The following DAB2IP variants were observed in gnomAD, a reference collection of about 807,000 sequenced individuals.
DAB2IP encodes the protein disabled homolog 2-interacting protein.
In DAB2IP, 28 loss-of-function variants were observed where a neutral mutation model predicts 107.2. That is an observed-to-expected ratio of 0.26 (90% CI 0.19 to 0.36). DAB2IP has a LOEUF of 0.36. Ranked by LOEUF, DAB2IP falls within the 10% of genes least tolerant of loss-of-function variation. DAB2IP has a pLI of 1.00. For missense variants in DAB2IP, 1,400 were observed against 1,644.7 expected (o/e 0.85, Z 2.57); for synonymous variants, 755 against 706.4 (o/e 1.07, Z -1.09).
chr9:121,742,630 C>T (rs965536530), intron 3 of DAB2IP, among the ~76,000 whole-genome samples: 1 of 152,220 alleles, frequency 6.6e-6, no homozygotes, highest in Non-Finnish European at 1.5e-5. Context: ...AGAAGCTCCA[C>T]TCTTGTGGAC....
rs1486884050 is a variant in DAB2IP, at chr9:121,699,466, C to T, written c.362+8C>T. The T allele has an allele frequency of 4.6e-6, 6 of 1,309,846 alleles. No individual in the cohort carries two copies. The highest frequency in any genetic ancestry group is 5.9e-6 in the Non-Finnish European group (6 of 1,016,474). 81.1% of individuals were successfully genotyped at this position (1,309,846 alleles called of 1,614,324 possible). A position where few individuals can be genotyped will look rare whatever the true frequency, so the allele number is the denominator to read the frequency against. ...CGCCGCGGACAATGAGAGGTGAGCC[C>T]GCCGCCGCCGCCCGGTCCCCCGCGC... On this transcript the variant is annotated splice_region_variant and intron_variant, in intron 3 of 15. Coordinates refer to ENST00000408936, the Ensembl canonical transcript of DAB2IP. The surrounding 1 kb of genome is among the most constrained non-coding windows in gnomAD (Gnocchi z 6.2).
rs1564128835 is a variant in DAB2IP at position 121,642,024 on chromosome 9, TCTCTCTC to T, written c.41-36653_41-36647del. On this transcript the variant is annotated intron_variant, in intron 1 of 16. Coordinates refer to the DAB2IP transcript ENST00000259371. ...CTCTCTCTCTCTCTCTCTCTCTCTC[TCTCTCTC>T]TTTCTTTCTTTCTTTCTTTCTTTCT... is the stretch of plus-strand genomic sequence containing the variant. 6.0e-3 allele frequency among the ~76,000 whole-genome samples: 218 copies of T among 36,316 alleles called. 2 individuals carry two copies. Among genetic ancestry groups the T allele is most frequent in the African/African-American group, 0.026 (207 of 7,938 alleles). 23.8% of individuals were successfully genotyped at this position (36,316 alleles called of 152,430 possible). A position where few individuals can be genotyped will look rare whatever the true frequency, so the allele number is the denominator to read the frequency against.
chr9:121,759,762 G>A (rs976749447), intron 5 of DAB2IP, 123 bp from the exon 6 acceptor site: 15 of 829,260 alleles, frequency 1.8e-5, no homozygotes, highest in Non-Finnish European at 2.6e-5. Flanking sequence ...GGGCCTAGGC[G>A]CCCGCTGCCG....
chr9:121,736,892 A>G lies in DAB2IP; in HGVS notation c.363-20121A>G, dbSNP rs141939879. Among the ~76,000 whole-genome samples, 1,804 of 152,336 alleles carry G rather than the reference A, an allele frequency of 0.012. 32 individuals are homozygous for G. Among genetic ancestry groups the G allele is most frequent in the African/African-American group, 0.039 (1,636 of 41,580 alleles). On this transcript the variant is annotated intron_variant, in intron 3 of 15. Transcript: ENST00000408936. The surrounding 1 kb of genome is among the most constrained non-coding windows in gnomAD (Gnocchi z 4.6). ...CATTTTCATGATAGGTAAAAGACAG[A>G]AACAAACAAGATGACTTCAGGGTAG...
At chr9:121,737,938 C>T (rs1038121304) in intron 3 of DAB2IP, among the ~76,000 whole-genome samples, 1 of 152,092 alleles carries the variant, frequency 6.6e-6, no homozygotes, top group Non-Finnish European at 1.5e-5. Context: ...ATGGGGGACT[C>T]CCTTGGACAT....
intron 1 of DAB2IP, among the ~76,000 whole-genome samples, chr9:121,600,754 C>A (rs1830662914): frequency 6.6e-6 from 1 of 152,188 alleles, no homozygotes; most frequent in Non-Finnish European, 1.5e-5. Flanking sequence ...CCAACATCAG[C>A]CCCTGCTGCT....
intron 1 of DAB2IP, among the ~76,000 whole-genome samples, chr9:121,587,244 G>A (rs557486688): frequency 1.3e-5 from 2 of 152,282 alleles, no homozygotes; most frequent in South Asian, 4.2e-4. Context: ...ATTTGGGAAA[G>A]TGCAGTGTAG....
At chr9:121,728,089 G>C (rs1463357626) in intron 3 of DAB2IP, among the ~76,000 whole-genome samples, 1 of 152,178 alleles carries the variant, frequency 6.6e-6, no homozygotes, top group Non-Finnish European at 1.5e-5. Context: ...CTATTATAGG[G>C]GAGAATATTA....
At chr9:121,700,939 CTT>C in intron 3 of DAB2IP, among the ~76,000 whole-genome samples, 1 of 152,324 alleles carries the variant, frequency 6.6e-6, no homozygotes, top group Middle Eastern at 3.4e-3. Context: ...GTCACTGCGT[CTT>C]TGAAAATCTC....
At chr9:121,610,465 T>C (rs941040251) in intron 1 of DAB2IP, among the ~76,000 whole-genome samples, 4 of 151,696 alleles carry the variant, frequency 2.6e-5, no homozygotes, top group Non-Finnish European at 5.9e-5. Flanking sequence ...AGAGGAGGAG[T>C]GACTTGCCTA....
chr9:121,771,302 G>C (rs1283388986), intron 11 of DAB2IP, among the ~76,000 whole-genome samples: 1 of 152,146 alleles, frequency 6.6e-6, no homozygotes, highest in South Asian at 2.1e-4. Context: ...TCAAAATAGA[G>C]ACATTTCTAT....
At chr9:121,692,780 TC>T (rs1829226112) in intron 2 of DAB2IP, among the ~76,000 whole-genome samples, 1 of 152,216 alleles carries the variant, frequency 6.6e-6, no homozygotes, top group Non-Finnish European at 1.5e-5. Flanking sequence ...TGAGTCATTC[TC>T]CAGCTGGGAC....
At chr9:121,754,640 G>C (rs2118946785) in intron 3 of DAB2IP, among the ~76,000 whole-genome samples, 1 of 152,340 alleles carries the variant, frequency 6.6e-6, no homozygotes, top group East Asian at 1.9e-4. Flanking sequence ...ATCCTTTCCA[G>C]GTCAGCCAGA....
In DAB2IP at chr9:121,598,129, G is replaced by A. The variant is rs148112958; in HGVS notation, c.40+30901G>A. 4.6e-3 allele frequency: 699 copies of A among 152,424 alleles called. 9 individuals carry two copies. The highest frequency in any genetic ancestry group is 0.016 in the African/African-American group (671 of 41,606). The allele number at this position is 152,424 out of a possible 1,614,324, so 9.4% of individuals were successfully genotyped here. ...GTTGGGCCCAGGCGCTGTCTTCAGA[G>A]AGGACGCTGGCTTCCCCCTGGAATT... On this transcript the variant is annotated intron_variant, in intron 1 of 16. Transcript: ENST00000259371.
chr9:121,781,685 G>C (rs1835667550), intron 15 of DAB2IP, 134 bp downstream of exon 15: 1 of 882,600 alleles, frequency 1.1e-6, no homozygotes, highest in Non-Finnish European at 1.8e-6. Context: ...TCTGCCCTGA[G>C]AAGTCAGACC....
At chr9:121,723,026 C>T (rs924568427) in intron 3 of DAB2IP, among the ~76,000 whole-genome samples, 1 of 152,188 alleles carries the variant, frequency 6.6e-6, no homozygotes, top group African/African-American at 2.4e-5. Context: ...ACAGGCCACC[C>T]AGCATGCTCC....
chr9:121,760,109 CAAGAAG>C lies in DAB2IP; in HGVS notation c.850_855del (p.Lys284_Lys285del). 6.2e-7 allele frequency: 1 copy of C among 1,613,890 alleles called. No homozygotes were observed. The highest frequency in any genetic ancestry group is 8.5e-7 in the Non-Finnish European group (1 of 1,180,000). On this transcript the variant is annotated inframe_deletion, in exon 6 of 16. Coordinates refer to ENST00000408936, the Ensembl canonical transcript of DAB2IP. The surrounding 1 kb of genome is among the most constrained non-coding windows in gnomAD (Gnocchi z 5.9). ...CTGTCCACCTGTACCGGGAGACCGA[CAAGAAG>C]AAGAAGAAGGAGCGCAACAGTTACC...
At chr9:121,584,069 C>T (rs1830263512) in intron 1 of DAB2IP, among the ~76,000 whole-genome samples, 1 of 151,898 alleles carries the variant, frequency 6.6e-6, no homozygotes, top group South Asian at 2.1e-4. Flanking sequence ...CCCAGCTACT[C>T]GGGAGGCTGA....
rs1026457614 is a variant in DAB2IP, at chr9:121,698,710, T to C, written c.229-615T>C. On this transcript the variant is annotated intron_variant, in intron 2 of 15. Transcript: ENST00000408936. The surrounding 1 kb of genome is among the most constrained non-coding windows in gnomAD (Gnocchi z 4.1). ...AAGTCGCCCGGAATCGGGGTCTAAG[T>C]GGCCAGGGCACTGCCAGGCGCAGGC... Among the ~76,000 whole-genome samples, 1 of 152,174 alleles carries C rather than the reference T, an allele frequency of 6.6e-6. No homozygotes were observed. Among genetic ancestry groups the C allele is most frequent in the Non-Finnish European group, 1.5e-5 (1 of 68,016 alleles).
Sources: gnomAD v4.1 joint callset for allele counts (sites outside exome capture counted in the v4.1 genomes callset) on GRCh38, gnomAD v4.1.1 for gene constraint, Gnocchi (gnomAD v3.1) non-coding constraint, MANE v1.5 for transcripts, NCBI Gene and HGNC (gene_info 2026-07-23, HGNC 2026-07-21) for gene names.